Variants in KIF26B observed in about 807,000 individuals in gnomAD.
KIF26B encodes the protein kinesin family member 26B, also known as kinesin-like protein KIF26B.
A neutral mutation model predicts 151.2 loss-of-function variants in KIF26B; 63 were observed. The ratio of observed to expected loss-of-function variants is 0.42; its 90% CI spans 0.34 to 0.51. The LOEUF is 0.51. Ranked by LOEUF, KIF26B falls within the 20% of genes least tolerant of loss-of-function variation. The pLI, the probability that KIF26B is intolerant of heterozygous loss-of-function variation, is 0.07. For missense variants in KIF26B, 2,813 were observed against 2,913.6 expected, an observed-to-expected ratio of 0.97 and a Z score of 0.79; for synonymous variants, 1,357 against 1,262.1, an observed-to-expected ratio of 1.08 and a Z score of -1.59.
chr1:245,692,634 C>T (rs982393635), intron 12 of KIF26B, among the ~76,000 whole-genome samples: 5 of 152,080 alleles, frequency 3.3e-5, no homozygotes, highest in Non-Finnish European at 7.4e-5. Context: ...CCGGAACAAA[C>T]ACAAGCCACA....
At chr1:245,679,481 TTTTTTG>T (rs2044402937) in intron 10 of KIF26B, among the ~76,000 whole-genome samples, 1 of 138,740 alleles carries the variant, frequency 7.2e-6, no homozygotes, top group African/African-American at 2.9e-5. Flanking sequence ...TTTTTTTTTT[TTTTTTG>T]ACACAAGGTC....
At chr1:245,700,752 C>A (rs905224553) in intron 14 of KIF26B, among the ~76,000 whole-genome samples, 1 of 152,174 alleles carries the variant, frequency 6.6e-6, no homozygotes, top group Non-Finnish European at 1.5e-5. Context: ...ACTAGTCCTG[C>A]GAGGGCCTTT....
intron 14 of KIF26B, 47 bp downstream of exon 14, chr1:245,699,084 G>A (rs763633515): frequency 1.6e-5 from 26 of 1,581,032 alleles, no homozygotes; most frequent in Non-Finnish European, 2.0e-5. Flanking sequence ...GGGTTCACCT[G>A]CTCAACCGGG....
chr1:245,250,058 G>T (rs144557449), intron 2 of KIF26B, among the ~76,000 whole-genome samples: 9 of 152,178 alleles, frequency 5.9e-5, no homozygotes, highest in African/African-American at 2.2e-4. Flanking sequence ...AACATGATCC[G>T]TGTAGCTTTC....
chr1:245,633,168 G>A (rs1489025677), intron 9 of KIF26B, among the ~76,000 whole-genome samples: 1 of 151,672 alleles, frequency 6.6e-6, no homozygotes, highest in East Asian at 1.9e-4. Context: ...AGCTACTCTG[G>A]CACACTTTTG....
intron 4 of KIF26B, among the ~76,000 whole-genome samples, chr1:245,507,718 G>A (rs1264102705): frequency 1.3e-5 from 2 of 152,136 alleles, no homozygotes; most frequent in Non-Finnish European, 2.9e-5. Context: ...GGAGAGTCCC[G>A]GGAGGCAGCC....
At chr1:245,565,294 T>C (rs1390959207) in intron 5 of KIF26B, among the ~76,000 whole-genome samples, 1 of 81,748 alleles carries the variant, frequency 1.2e-5, no homozygotes, top group South Asian at 3.8e-4. Flanking sequence ...GGTTTTTTTG[T>C]TTTTTTTATT....
At chr1:245,661,613 A>G (rs897748122) in intron 10 of KIF26B, among the ~76,000 whole-genome samples, 5 of 151,348 alleles carry the variant, frequency 3.3e-5, no homozygotes, top group Non-Finnish European at 7.4e-5. Context: ...AATGATATAT[A>G]TATACACACA....
intron 2 of KIF26B, among the ~76,000 whole-genome samples, chr1:245,235,640 G>A (rs916017354): frequency 4.6e-5 from 7 of 151,848 alleles, no homozygotes; most frequent in Non-Finnish European, 5.9e-5. Context: ...AGGGAGGAAG[G>A]AAGGGTTCAG....
At chr1:245,305,978 T>C (rs1307933489) in intron 2 of KIF26B, among the ~76,000 whole-genome samples, 1 of 145,812 alleles carries the variant, frequency 6.9e-6, no homozygotes, top group Non-Finnish European at 1.5e-5. Flanking sequence ...TGTGAAACGA[T>C]ATAGCCCCTG....
chr1:245,286,090 G>C (rs1192799487), intron 2 of KIF26B, among the ~76,000 whole-genome samples: 2 of 152,042 alleles, frequency 1.3e-5, no homozygotes, highest in Non-Finnish European at 2.9e-5. Context: ...CCCCAGCTTT[G>C]CTACTTTGGC....
intron 3 of KIF26B, among the ~76,000 whole-genome samples, chr1:245,404,673 G>C (rs1310169563): frequency 1.3e-5 from 2 of 152,160 alleles, no homozygotes; most frequent in Non-Finnish European, 2.9e-5. Context: ...TAGGACACTG[G>C]CTGGAATGTT....
chr1:245,155,130 A>C lies in KIF26B; in HGVS notation c.-295A>C. The C allele has an allele frequency of 3.8e-6, 2 of 530,186 alleles. No homozygotes were observed. The highest frequency in any genetic ancestry group is 6.5e-6 in the Non-Finnish European group (2 of 307,082). 32.8% of individuals were successfully genotyped at this position (530,186 alleles called of 1,614,324 possible). The stretch of plus-strand genomic sequence containing the variant: ...GACTGACTTGGCTGAAGAAAATGCC[A>C]GTTCTGTGGATGTGGCCGTGACAAG... On this transcript the variant is annotated 5_prime_UTR_variant, in exon 1 of 15. Transcript: ENST00000407071.
chr1:245,460,444 T>C (rs1381827238), intron 4 of KIF26B, among the ~76,000 whole-genome samples: 1 of 152,162 alleles, frequency 6.6e-6, no homozygotes, highest in African/African-American at 2.4e-5. Flanking sequence ...ACCCCCATTT[T>C]TTACAGGCTG....
At chr1:245,701,091 T>C (rs2044765242) in intron 14 of KIF26B, among the ~76,000 whole-genome samples, 1 of 152,362 alleles carries the variant, frequency 6.6e-6, no homozygotes, top group African/African-American at 2.4e-5. Context: ...TACATATGTG[T>C]TTAGATGCTT....
chr1:245,299,252 T>C (rs1230172238), intron 2 of KIF26B, among the ~76,000 whole-genome samples: 2 of 151,426 alleles, frequency 1.3e-5, no homozygotes, highest in Non-Finnish European at 2.9e-5. Flanking sequence ...GTGCAGAAAA[T>C]GAAATCCTTT....
rs564261681 is a variant in KIF26B, at chr1:245,409,425, C to T, written c.1000-10154C>T. On this transcript the variant is annotated intron_variant, in intron 3 of 14. Coordinates refer to ENST00000407071, the MANE Select transcript of KIF26B (RefSeq NM_018012.4). The stretch of plus-strand genomic sequence containing the variant: ...GTGCTGAGGGGCCAGATCTGAGCCC[C>T]GATAATGGGAATCCTGAAACATGAG... Among the ~76,000 whole-genome samples, 6 of 152,136 alleles carry T rather than the reference C, an allele frequency of 3.9e-5. No individual in the cohort carries two copies. In the South Asian group the frequency reaches 6.2e-4, roughly 16 times the overall value.
At chr1:245,440,219 TA>T (rs1244957440) in intron 4 of KIF26B, among the ~76,000 whole-genome samples, 146 of 130,206 alleles carry the variant, frequency 1.1e-3, no homozygotes, top group East Asian at 3.4e-3. Flanking sequence ...AGACTCTGCC[TA>T]AAAAAAAAAA....
At chr1:245,426,767 TC>T (rs34017552) in intron 4 of KIF26B, among the ~76,000 whole-genome samples, 1 of 152,174 alleles carries the variant, frequency 6.6e-6, no homozygotes, top group Non-Finnish European at 1.5e-5. Flanking sequence ...TCTTGTTAGT[TC>T]CCTGTGGGGC....
Sources: allele counts gnomAD v4.1 joint callset (sites outside exome capture counted in the v4.1 genomes callset), GRCh38; gene constraint gnomAD v4.1.1; transcripts MANE v1.5; gene names NCBI Gene and HGNC (gene_info 2026-07-23, HGNC 2026-07-21).